GAP43: variants seen among roughly 807,000 people sequenced by gnomAD.
GAP43 encodes growth associated protein 43.
In GAP43, 6 loss-of-function variants were observed where a neutral mutation model predicts 18.6. The observed-to-expected ratio is 0.32, with a 90% CI of 0.18 to 0.64. The LOEUF (loss-of-function observed/expected upper bound fraction) is 0.64. GAP43 is among the 30% of genes least tolerant of loss of function. The probability of loss-of-function intolerance (pLI) is 0.78; values close to 1 mark genes in which losing one functional copy is unlikely to be tolerated. For synonymous variants in GAP43, 115 were observed against 111.4 expected (o/e 1.03, Z -0.20); for missense variants, 292 against 295.5 (o/e 0.99, Z 0.09).
rs781198029 is a variant in GAP43 at position 115,676,274 on chromosome 3, C to G, written c.292C>G (p.Pro98Ala). Residue 98 changes from proline to alanine, a missense_variant, in exon 2 of 3, where the codon CCT becomes GCT. Coordinates refer to ENST00000305124, the MANE Select transcript of GAP43 (RefSeq NM_002045.4). Reference protein sequence around the residue: ...AEAAPATGSKPDEPGKAGETP... With the variant: ...AEAAPATGSKADEPGKAGETP... ...AGCAGCCCCAGCCACTGGCTCCAAG[C>G]CTGATGAGCCCGGCAAAGCAGGAGA... The G allele has an allele frequency of 6.2e-7, 1 of 1,614,126 alleles. No homozygotes were observed. Among genetic ancestry groups the G allele is most frequent in the Non-Finnish European group, 8.5e-7 (1 of 1,180,016 alleles).
Position 115,698,077 on chromosome 3 carries a change from ATATAAAATATGTATTATATAT to A in GAP43, c.628+21468_628+21488del, listed in dbSNP as rs1356688174. On this transcript the variant is annotated intron_variant, in intron 2 of 2. Coordinates refer to ENST00000305124, the MANE Select transcript of GAP43 (RefSeq NM_002045.4). ...ATATAAAATATATATTATATATAAT[ATATAAAATATGTATTATATAT>A]AATATATAAAATATATAATATATAT... Among the ~76,000 whole-genome samples, 8 of 74,572 alleles carry A rather than the reference ATATAAAATATGTATTATATAT, an allele frequency of 1.1e-4. No individual in the cohort carries two copies. The East Asian group carries it at 3.6e-3, about 33-fold the overall frequency. 48.9% of individuals were successfully genotyped at this position (74,572 alleles called of 152,430 possible). A position where few individuals can be genotyped will look rare whatever the true frequency, so the allele number is the denominator to read the frequency against.
intron 2 of GAP43, among the ~76,000 whole-genome samples, chr3:115,712,614 C>T (rs1218910385): frequency 6.6e-6 from 1 of 152,162 alleles, no homozygotes; most frequent in Non-Finnish European, 1.5e-5. Context: ...AAACTCCAAA[C>T]AACCCACGAT....
rs916813834 is a variant in GAP43, at chr3:115,634,511, C to T, written c.30+10792C>T. 3.3e-5 allele frequency among the ~76,000 whole-genome samples: 5 copies of T among 152,040 alleles called. No homozygotes were observed. The East Asian group carries it at 5.8e-4, about 18-fold the overall frequency. On this transcript the variant is annotated intron_variant, in intron 1 of 2. Coordinates refer to ENST00000305124, the MANE Select transcript of GAP43 (RefSeq NM_002045.4). Reference sequence around the variant, plus strand: ...AAAAAATTGACTGGATATGGTGGCTCATGCTTGTAATCCCAGAAATTCGGG... The same window carrying T: ...AAAAAATTGACTGGATATGGTGGCTTATGCTTGTAATCCCAGAAATTCGGG...
At position 115,624,398 on chromosome 3, in the gene GAP43, T is replaced by C. The variant is rs1708157842; in HGVS notation, c.30+679T>C. 2.0e-5 allele frequency among the ~76,000 whole-genome samples: 3 copies of C among 151,996 alleles called. No homozygotes were observed. In the South Asian group the frequency reaches 6.2e-4, roughly 32 times the overall value. On this transcript the variant is annotated intron_variant, in intron 1 of 2. Coordinates refer to ENST00000305124, the MANE Select transcript of GAP43 (RefSeq NM_002045.4). ...CCCCTTCCTAAGATCAGCAGCCGAT[T>C]GTGCACCAGCTGGTCGGAGGAGAGG...
intron 1 of GAP43, among the ~76,000 whole-genome samples, chr3:115,666,803 G>A (rs1312901172): frequency 6.6e-6 from 1 of 152,102 alleles, no homozygotes; most frequent in Non-Finnish European, 1.5e-5. Flanking sequence ...ACTAAGCAAG[G>A]GCTTTGTCAT....
At chr3:115,688,783 G>A (rs968428270) in intron 2 of GAP43, among the ~76,000 whole-genome samples, 1 of 152,180 alleles carries the variant, frequency 6.6e-6, no homozygotes, top group Non-Finnish European at 1.5e-5. Context: ...ATAAATTCAA[G>A]TAGACTACTT....
chr3:115,638,860 C>T lies in GAP43; in HGVS notation c.30+15141C>T, dbSNP rs144925339. Among the ~76,000 whole-genome samples, 52 of 152,068 alleles carry T rather than the reference C, an allele frequency of 3.4e-4. 2 individuals are homozygous for T. In the East Asian group the frequency reaches 9.5e-3, roughly 28 times the overall value. On this transcript the variant is annotated intron_variant, in intron 1 of 2. Transcript: ENST00000305124. The stretch of plus-strand genomic sequence containing the variant: ...CCTCCAGCCTAATACAATTATTCTT[C>T]GTTTTGTGCCTTATGTCTAGTACAT...
At chr3:115,657,762 G>A (rs1708602164) in intron 1 of GAP43, among the ~76,000 whole-genome samples, 1 of 151,964 alleles carries the variant, frequency 6.6e-6, no homozygotes, top group African/African-American at 2.4e-5. Flanking sequence ...GCCTTATGTT[G>A]TCCAGGCTAG....
At chr3:115,686,357 G>A (rs1464251613) in intron 2 of GAP43, among the ~76,000 whole-genome samples, 1 of 152,192 alleles carries the variant, frequency 6.6e-6, no homozygotes, top group Non-Finnish European at 1.5e-5. Context: ...AGTCATTTCT[G>A]TTGAGCATTG....
At chr3:115,667,693 A>G (rs1708751948) in intron 1 of GAP43, among the ~76,000 whole-genome samples, 2 of 152,120 alleles carry the variant, frequency 1.3e-5, no homozygotes, top group Non-Finnish European at 1.5e-5. Flanking sequence ...CAGCTGGGAA[A>G]GATTTGCCTC....
chr3:115,665,989 A>AGTGTGT (rs34314907), intron 1 of GAP43, among the ~76,000 whole-genome samples: 103 of 61,734 alleles, frequency 1.7e-3, no homozygotes, highest in African/African-American at 3.1e-3. Flanking sequence ...TGGCTAAATG[A>AGTGTGT]GTGTGTGTGT....
intron 1 of GAP43, among the ~76,000 whole-genome samples, chr3:115,657,295 C>G (rs908516706): frequency 1.6e-4 from 24 of 152,228 alleles, no homozygotes; most frequent in African/African-American, 5.8e-4. Flanking sequence ...AGAAAGACTG[C>G]TTAGGTGTGT....
At chr3:115,647,739 A>C (rs72961661) in intron 1 of GAP43, among the ~76,000 whole-genome samples, 25,260 of 127,848 alleles carry the variant, frequency 0.2, 2,194 homozygotes, top group Admixed American at 0.28. Flanking sequence ...AAAAACAAAA[A>C]CAAAACAAAA....
intron 1 of GAP43, among the ~76,000 whole-genome samples, chr3:115,630,031 T>C (rs1406086524): frequency 6.6e-6 from 1 of 152,130 alleles, no homozygotes; most frequent in Admixed American, 6.6e-5. Flanking sequence ...CTCCCCTCCA[T>C]GTCCTCCTCG....
At chr3:115,714,695 ATT>A (rs1372958718) in intron 2 of GAP43, among the ~76,000 whole-genome samples, 1 of 62,174 alleles carries the variant, frequency 1.6e-5, no homozygotes, top group Non-Finnish European at 2.9e-5. Context: ...CACATCATCG[ATT>A]TTTGTTTATT....
chr3:115,627,317 TCCCCTACCAACCC>T (rs1708202950), intron 1 of GAP43, among the ~76,000 whole-genome samples: 1 of 143,274 alleles, frequency 7.0e-6, no homozygotes, highest in African/African-American at 2.6e-5. Context: ...CCCCACCCCC[TCCCCTACCAACCC>T]ATGCTGAGGC....
intron 2 of GAP43, among the ~76,000 whole-genome samples, chr3:115,718,824 A>C (rs1709542097): frequency 6.6e-6 from 1 of 152,200 alleles, no homozygotes; most frequent in African/African-American, 2.4e-5. Context: ...AAGAGCTCTA[A>C]AAGAATGTTT....
In GAP43 at chr3:115,687,654, G is replaced by A. The variant is rs866854487; in HGVS notation, c.628+11044G>A. Among the ~76,000 whole-genome samples, 41 of 152,212 alleles carry A rather than the reference G, an allele frequency of 2.7e-4. No individual in the cohort carries two copies. The Middle Eastern group carries it at 0.01, about 38-fold the overall frequency. On this transcript the variant is annotated intron_variant, in intron 2 of 2. Coordinates refer to ENST00000305124, the MANE Select transcript of GAP43 (RefSeq NM_002045.4). ...AATTGCGGTTGTTTTGCAGAGGCCA[G>A]GTTAACAAGGATTGGGTTCCTAGGA...
intron 1 of GAP43, among the ~76,000 whole-genome samples, chr3:115,650,505 C>T (rs1450539615): frequency 2.0e-5 from 3 of 152,004 alleles, no homozygotes; most frequent in Non-Finnish European, 2.9e-5. Flanking sequence ...CCTTTCTTTT[C>T]TCTTTCCCTC....
Sources: gnomAD v4.1 joint callset for allele counts (sites outside exome capture counted in the v4.1 genomes callset) on GRCh38, gnomAD v4.1.1 for gene constraint, MANE v1.5 for transcripts, NCBI Gene and HGNC (gene_info 2026-07-23, HGNC 2026-07-21) for gene names.